The following RBPMS2 variants were observed in gnomAD, a reference collection of about 807,000 sequenced individuals.
RBPMS2 encodes RNA-binding protein with multiple splicing 2.
Under a neutral mutation model 25.7 loss-of-function variants are expected in RBPMS2, and 14 were observed. The ratio of observed to expected loss-of-function variants is 0.55; its 90% confidence interval spans 0.36 to 0.85. RBPMS2 has a LOEUF of 0.85. Ranked by LOEUF, RBPMS2 falls within the 40% of genes least tolerant of loss-of-function variation. RBPMS2 has a pLI of 0.01. For missense variants in RBPMS2, 252 were observed against 283.4 expected, an observed-to-expected ratio of 0.89 and a Z score of 0.80; for synonymous variants, 127 against 115.6, an observed-to-expected ratio of 1.10 and a Z score of -0.63.
chr15:64,771,726 G>A (rs997024356), intron 1 of RBPMS2, among the ~76,000 whole-genome samples: 4 of 151,988 alleles, frequency 2.6e-5, no homozygotes, highest in African/African-American at 9.7e-5. Context: ...TTGGGAGACT[G>A]AGGTGGGCAG....
In RBPMS2 at chr15:64,758,195, C is replaced by T. The variant is rs79774129; in HGVS notation, c.88-6557G>A. On this transcript the variant is annotated intron_variant, in intron 1 of 7. Coordinates refer to ENST00000300069, the MANE Select transcript of RBPMS2 (RefSeq NM_194272.3). ...TCTCAGGCTGCTGGAAGGCACCAAACGCATTCACTTGGGCCCTTTTCCATA... is the reference window on the plus strand; with the variant it reads ...TCTCAGGCTGCTGGAAGGCACCAAATGCATTCACTTGGGCCCTTTTCCATA... Among the ~76,000 whole-genome samples, 1,000 of 152,310 alleles carry T rather than the reference C, an allele frequency of 6.6e-3. 14 individuals are homozygous for T. The highest frequency in any genetic ancestry group is 0.023 in the African/African-American group (958 of 41,558).
chr15:64,774,274 C>T (rs1367196145), intron 1 of RBPMS2, among the ~76,000 whole-genome samples: 2 of 152,178 alleles, frequency 1.3e-5, no homozygotes, highest in African/African-American at 4.8e-5. Context: ...CAGGAAGGCT[C>T]TCTCACCCCT....
At position 64,740,916 on chromosome 15, in the gene RBPMS2, C is replaced by T; in HGVS notation, c.*92G>A. 2.3e-6 allele frequency: 1 copy of T among 427,758 alleles called. No homozygotes were observed. The highest frequency in any genetic ancestry group is 4.3e-6 in the Non-Finnish European group (1 of 231,690). 26.5% of individuals were successfully genotyped at this position (427,758 alleles called of 1,614,324 possible). A position where few individuals can be genotyped will look rare whatever the true frequency, so the allele number is the denominator to read the frequency against. On this transcript the variant is annotated 3_prime_UTR_variant, in exon 8 of 8. Coordinates refer to ENST00000300069, the MANE Select transcript of RBPMS2 (RefSeq NM_194272.3). ...GTCTCTGGAGGGCAGCAGCTCTGTG[C>T]AGGCCGCCCGGGGGCAGTGGGAACT... is the stretch of plus-strand genomic sequence containing the variant.
intron 1 of RBPMS2, among the ~76,000 whole-genome samples, chr15:64,771,998 A>T (rs1486247788): frequency 6.6e-6 from 1 of 152,206 alleles, no homozygotes; most frequent in Non-Finnish European, 1.5e-5. Context: ...TTTTCTGGAT[A>T]CTTTAACTCA....
In RBPMS2 at chr15:64,741,245, G is replaced by A. The variant is rs1373001917; in HGVS notation, c.568-3C>T. ...TCAGAGGAAGGGTACCAGCGCACCT[G>A]CAAGAGAAGCCAACGTCAGGAGCCA... is the stretch of plus-strand genomic sequence containing the variant. On this transcript the variant is annotated splice_polypyrimidine_tract_variant and splice_region_variant and intron_variant, in intron 6 of 7. Coordinates refer to ENST00000300069, the MANE Select transcript of RBPMS2 (RefSeq NM_194272.3). 3 of 1,587,324 alleles carry A rather than the reference G, an allele frequency of 1.9e-6. No homozygotes were observed. Among genetic ancestry groups the A allele is most frequent in the African/African-American group, 1.3e-5 (1 of 74,370 alleles).
At chr15:64,761,671 C>T (rs1349059872) in intron 1 of RBPMS2, among the ~76,000 whole-genome samples, 1 of 149,972 alleles carries the variant, frequency 6.7e-6, no homozygotes, top group Non-Finnish European at 1.5e-5. Context: ...TAACTGGGAC[C>T]ACAGGTGCAC....
chr15:64,755,994 TAGG>T (rs2083728495), intron 1 of RBPMS2, among the ~76,000 whole-genome samples: 1 of 152,144 alleles, frequency 6.6e-6, no homozygotes, highest in African/African-American at 2.4e-5. Flanking sequence ...CAGTGGCCGT[TAGG>T]ACCCCTCGCC....
chr15:64,766,346 C>T (rs1348647393), intron 1 of RBPMS2, among the ~76,000 whole-genome samples: 1 of 152,150 alleles, frequency 6.6e-6, no homozygotes, highest in Non-Finnish European at 1.5e-5. Flanking sequence ...GAAGGGAGGG[C>T]CCAACAATCC....
At chr15:64,767,556 G>C (rs1199662454) in intron 1 of RBPMS2, among the ~76,000 whole-genome samples, 1 of 152,196 alleles carries the variant, frequency 6.6e-6, no homozygotes, top group East Asian at 1.9e-4. Flanking sequence ...AGGGTTCAGA[G>C]CATGAGAGCC....
At chr15:64,748,869 C>T in intron 5 of RBPMS2, 131 bp downstream of exon 5, 1 of 1,036,520 alleles carries the variant, frequency 9.6e-7, no homozygotes, top group Non-Finnish European at 1.4e-6. Context: ...GGGAGGAAAA[C>T]CAGGTGTTTC....
intron 1 of RBPMS2, among the ~76,000 whole-genome samples, chr15:64,761,859 C>T (rs561242535): frequency 9.2e-5 from 14 of 152,078 alleles, no homozygotes; most frequent in Non-Finnish European, 1.9e-4. Context: ...TAGGCACCCA[C>T]CACCATGCCC....
chr15:64,751,291 C>T (rs2083676814), intron 2 of RBPMS2, among the ~76,000 whole-genome samples: 1 of 151,220 alleles, frequency 6.6e-6, no homozygotes, highest in African/African-American at 2.4e-5. Flanking sequence ...CGAGATCAAG[C>T]CACTGCACTC....
intron 1 of RBPMS2, among the ~76,000 whole-genome samples, chr15:64,763,541 C>G (rs1181255956): frequency 6.6e-6 from 1 of 152,202 alleles, no homozygotes; most frequent in Non-Finnish European, 1.5e-5. Context: ...CCCATGTTAT[C>G]AGGGCCTGGC....
At chr15:64,773,823 C>G (rs1055195141) in intron 1 of RBPMS2, among the ~76,000 whole-genome samples, 2 of 152,144 alleles carry the variant, frequency 1.3e-5, no homozygotes, top group Admixed American at 1.3e-4. Context: ...CCCCAACTGT[C>G]AAGGGAGATT....
At chr15:64,762,316 T>A (rs559214703) in intron 1 of RBPMS2, 3 of 514,342 alleles carry the variant, frequency 5.8e-6, no homozygotes, top group East Asian at 1.1e-4. Context: ...CACAGCTGAG[T>A]GTGAGTGGCC....
At chr15:64,755,577 C>G (rs1228270476) in intron 1 of RBPMS2, among the ~76,000 whole-genome samples, 3 of 152,156 alleles carry the variant, frequency 2.0e-5, no homozygotes, top group Non-Finnish European at 2.9e-5. Flanking sequence ...GGCACCCTGA[C>G]TCTGCTGTTT....
Position 64,740,944 on chromosome 15 carries a change from G to A in RBPMS2, c.*64C>T, listed in dbSNP as rs910287796. The A allele has an allele frequency of 1.1e-5, 5 of 469,980 alleles. No individual in the cohort carries two copies. Among genetic ancestry groups the A allele is most frequent in the African/African-American group, 7.9e-5 (4 of 50,534 alleles). 29.1% of individuals were successfully genotyped at this position (469,980 alleles called of 1,614,324 possible). Reference sequence around the variant, plus strand: ...GCCGCCCGGGGGCAGTGGGAACTCGGGGCGCCTGTCCCGGCACCACCACAG... The same window carrying A: ...GCCGCCCGGGGGCAGTGGGAACTCGAGGCGCCTGTCCCGGCACCACCACAG... On this transcript the variant is annotated 3_prime_UTR_variant, in exon 8 of 8. Coordinates refer to ENST00000300069, the MANE Select transcript of RBPMS2 (RefSeq NM_194272.3).
At chr15:64,769,528 C>T (rs561987864) in intron 1 of RBPMS2, among the ~76,000 whole-genome samples, 23 of 150,834 alleles carry the variant, frequency 1.5e-4, no homozygotes, top group South Asian at 1.0e-3. Context: ...GGCGTAGCAG[C>T]GGGCGCCTGT....
chr15:64,751,424 C>G, intron 2 of RBPMS2, 137 bp downstream of exon 2: 1 of 682,242 alleles, frequency 1.5e-6, no homozygotes, highest in South Asian at 1.7e-5. Flanking sequence ...AGAACCAGGA[C>G]ACGGGCTGGA....
Sources: gnomAD v4.1 joint callset for allele counts (sites outside exome capture counted in the v4.1 genomes callset) on GRCh38, gnomAD v4.1.1 for gene constraint, MANE v1.5 for transcripts, NCBI Gene and HGNC (gene_info 2026-07-23, HGNC 2026-07-21) for gene names.